FANCM: variants seen among roughly 807,000 people sequenced by gnomAD.
The protein encoded by FANCM is FA complementation group M, also known as Fanconi anemia group M protein.
FANCM carries 140 observed loss-of-function variants against 199.5 expected under a neutral mutation model. The ratio of observed to expected loss-of-function variants is 0.70; its 90% CI spans 0.61 to 0.81. The LOEUF is 0.81. Among genes scored for constraint, FANCM ranks in the 30% least tolerant of loss-of-function variants. The pLI is 0.00. For synonymous variants in FANCM, 840 were observed against 836.8 expected (o/e 1.00, Z -0.07); for missense variants, 2,410 against 2,421.4 (o/e 1.00, Z 0.10).
intron 9 of FANCM, among the ~76,000 whole-genome samples, chr14:45,163,425 T>C (rs1887744572): frequency 6.6e-6 from 1 of 152,210 alleles, no homozygotes; most frequent in African/African-American, 2.4e-5. Flanking sequence ...ACCACTCCAC[T>C]GTACACAAAC....
chr14:45,140,043 C>A (rs1209965475), intron 2 of FANCM, among the ~76,000 whole-genome samples: 2 of 152,096 alleles, frequency 1.3e-5, no homozygotes, highest in Non-Finnish European at 2.9e-5. Flanking sequence ...AAAAAAAAAT[C>A]TTTCCCAAAA....
rs1338838247 is a variant in FANCM at position 45,170,553 on chromosome 14, A to T, written c.2003-36A>T. On this transcript the variant is annotated intron_variant, in intron 11 of 22. Coordinates refer to ENST00000267430, the MANE Select transcript of FANCM (RefSeq NM_020937.4). ...GGGTTTTTTTGCTTTGCAGATTTTTAAAAAGTCTCTTTTCCATTATTTTTT... is the reference window on the plus strand; with the variant it reads ...GGGTTTTTTTGCTTTGCAGATTTTTTAAAAGTCTCTTTTCCATTATTTTTT... The T allele has an allele frequency of 2.0e-6, 3 of 1,518,302 alleles. No homozygotes were observed. In the African/African-American group the frequency reaches 4.1e-5, roughly 21 times the overall value. 94.1% of individuals were successfully genotyped at this position (1,518,302 alleles called of 1,614,324 possible). A position where few individuals can be genotyped will look rare whatever the true frequency, so the allele number is the denominator to read the frequency against.
intron 3 of FANCM, among the ~76,000 whole-genome samples, chr14:45,141,265 G>A (rs934988611): frequency 9.8e-5 from 14 of 143,556 alleles, no homozygotes; most frequent in Non-Finnish European, 1.6e-4. Flanking sequence ...TCCAGCCTGG[G>A]CGACAGAGCG....
chr14:45,174,152 C>T (rs542839610), intron 13 of FANCM, among the ~76,000 whole-genome samples: 23 of 150,230 alleles, frequency 1.5e-4, no homozygotes, highest in Admixed American at 2.7e-4. Context: ...TTTGGGAGGC[C>T]GAAGCAGGCA....
In FANCM at chr14:45,140,662, C is replaced by A; in HGVS notation, c.712C>A (p.His238Asn). Reference sequence around the variant, plus strand: ...AAGAGAACTAGTCAAATATACAAATCACTTTAGAATCTTGGCTCTAAGTGC... The same window carrying A: ...AAGAGAACTAGTCAAATATACAAATAACTTTAGAATCTTGGCTCTAAGTGC... ...VVRELVKYTN[H>N]FRILALSATP... Residue 238 changes from histidine (H) to asparagine (N), a missense_variant, in exon 3 of 23, where the codon CAC becomes AAC. By Grantham distance (68) the His-to-Asn change is moderately conservative. Transcript: ENST00000267430. 2 of 1,603,004 alleles carry A rather than the reference C, an allele frequency of 1.2e-6. No homozygotes were observed. Among genetic ancestry groups the A allele is most frequent in the Non-Finnish European group, 1.7e-6 (2 of 1,170,666 alleles).
At position 45,151,449 on chromosome 14, in the gene FANCM, G is replaced by C. The variant is rs2139160191; in HGVS notation, c.971G>C (p.Arg324Thr). 1 of 1,612,664 alleles carries C rather than the reference G, an allele frequency of 6.2e-7. No homozygotes were observed. Among genetic ancestry groups the C allele is most frequent in the Non-Finnish European group, 8.5e-7 (1 of 1,178,816 alleles). Residue 324 changes from arginine to threonine, a missense_variant, in exon 5 of 23, where the codon AGG becomes ACG. By Grantham distance (71) the Arg-to-Thr change is moderately conservative. Coordinates refer to ENST00000267430, the MANE Select transcript of FANCM (RefSeq NM_020937.4). ...ATTCAGAGGAATGTTTTGATGAGAA[G>C]GGATATCCCAAATCTAACAAAATAT... is the stretch of plus-strand genomic sequence containing the variant. The part of the protein sequence containing the change: ...SLIQRNVLMR[R>T]DIPNLTKYQI...
rs12434361 is a variant in FANCM, at chr14:45,155,286, A to G, written c.1310-87A>G. 15,714 of 635,068 alleles carry G rather than the reference A, an allele frequency of 0.025. 437 individuals carry two copies. The highest frequency in any genetic ancestry group is 0.11 in the Admixed American group (3,901 of 35,572). 39.3% of individuals were successfully genotyped at this position (635,068 alleles called of 1,614,324 possible). A position where few individuals can be genotyped will look rare whatever the true frequency, so the allele number is the denominator to read the frequency against. ...AATTAAAAAAAAATCCAACATATGCATTGGAAAAGATAACTTTCATATACA... is the reference window on the plus strand; with the variant it reads ...AATTAAAAAAAAATCCAACATATGCGTTGGAAAAGATAACTTTCATATACA... On this transcript the variant is annotated intron_variant, in intron 7 of 22. Transcript: ENST00000267430.
chr14:45,181,791 G>A, intron 16 of FANCM, 86 bp downstream of exon 16: 1 of 801,340 alleles, frequency 1.2e-6, no homozygotes, highest in Non-Finnish European at 2.1e-6. Flanking sequence ...ATAAATATAG[G>A]TATTTTTAAT....
At position 45,175,104 on chromosome 14, in the gene FANCM, T is replaced by G; in HGVS notation, c.2350T>G (p.Tyr784Asp). 1 of 1,611,940 alleles carries G rather than the reference T, an allele frequency of 6.2e-7. No individual in the cohort carries two copies. The highest frequency in any genetic ancestry group is 8.5e-7 in the Non-Finnish European group (1 of 1,178,692). ...ECSYELEVES[Y>D]LQMEDVTSTF... The stretch of plus-strand genomic sequence containing the variant: ...CAGCTATGAATTGGAAGTTGAATCT[T>G]ATTTACAAATGGAAGATGTTACCTC... Residue 784 changes from tyrosine (Y) to aspartate (D), a missense_variant, in exon 14 of 23, where the codon TAT becomes GAT. Tyr to Asp is a radical substitution (Grantham distance 160). Transcript: ENST00000267430.
At chr14:45,181,086 C>T (rs1356621439) in intron 14 of FANCM, among the ~76,000 whole-genome samples, 1 of 152,154 alleles carries the variant, frequency 6.6e-6, no homozygotes, top group African/African-American at 2.4e-5. Context: ...AGAAAGACTG[C>T]AGTAGATTTT....
Position 45,173,086 on chromosome 14 carries a change from T to C in FANCM, c.2192T>C (p.Leu731Pro). 1.3e-6 allele frequency: 2 copies of C among 1,590,764 alleles called. No individual in the cohort carries two copies. Among genetic ancestry groups the C allele is most frequent in the Non-Finnish European group, 1.7e-6 (2 of 1,159,066 alleles). ...AQESTTGIHQLSLSEWRLWQD... is the reference protein window; with the variant it reads ...AQESTTGIHQPSLSEWRLWQD... ...GAATCAACCACTGGAATTCATCAAC[T>C]CTCTCTCTCTGAATGGAGACTGTGG... Residue 731 changes from leucine to proline, a missense_variant, in exon 13 of 23, where the codon CTC becomes CCC. Leu to Pro is a moderately conservative substitution (Grantham distance 98, BLOSUM62 -3). Transcript: ENST00000267430.
At chr14:45,145,117 G>C (rs767926084) in intron 3 of FANCM, among the ~76,000 whole-genome samples, 1 of 151,876 alleles carries the variant, frequency 6.6e-6, no homozygotes, top group Non-Finnish European at 1.5e-5. Flanking sequence ...GGTACGTCTA[G>C]AAAAGTTGTC....
chr14:45,187,112 T>C (rs1889448349), intron 18 of FANCM, among the ~76,000 whole-genome samples: 1 of 152,154 alleles, frequency 6.6e-6, no homozygotes, highest in African/African-American at 2.4e-5. Context: ...TGTTATGTTA[T>C]TGGGAAGGCT....
intron 4 of FANCM, among the ~76,000 whole-genome samples, chr14:45,151,055 T>A (rs375165246): frequency 3.5e-4 from 53 of 152,348 alleles, no homozygotes; most frequent in African/African-American, 1.3e-3. Flanking sequence ...ATACTGAGGA[T>A]GTAACAGTGC....
At position 45,154,781 on chromosome 14, in the gene FANCM, C is replaced by T; in HGVS notation, c.1268C>T (p.Thr423Ile). ...CATCTAGAGTGTATGTTTGCACGTA[C>T]ACGTAGTACTTCAGCAAATGGTATT... ...YNHLECMFAR[T>I]RSTSANGISA... Residue 423 changes from threonine to isoleucine, a missense_variant, in exon 7 of 23, where the codon ACA becomes ATA. By Grantham distance (89) the Thr-to-Ile change is moderately conservative. Coordinates refer to ENST00000267430, the MANE Select transcript of FANCM (RefSeq NM_020937.4). 3 of 1,606,884 alleles carry T rather than the reference C, an allele frequency of 1.9e-6. No homozygotes were observed. Among genetic ancestry groups the T allele is most frequent in the Non-Finnish European group, 1.7e-6 (2 of 1,174,864 alleles).
At chr14:45,141,245 G>GCA (rs1885906772) in intron 3 of FANCM, among the ~76,000 whole-genome samples, 2 of 136,956 alleles carry the variant, frequency 1.5e-5, no homozygotes, top group Non-Finnish European at 3.0e-5. Context: ...CCAAGATCTA[G>GCA]CCACTGCACT....
rs1483401523 is a variant in FANCM, at chr14:45,187,861, CAT to C, written c.4755_4756del (p.His1585GlnfsTer11). 5.9e-6 allele frequency: 9 copies of C among 1,518,520 alleles called. No homozygotes were observed. The highest frequency in any genetic ancestry group is 8.2e-6 in the Non-Finnish European group (9 of 1,093,306). The allele number at this position is 1,518,520 out of a possible 1,614,324, so 94.1% of individuals were successfully genotyped here. On this transcript the variant is annotated frameshift_variant, in exon 19 of 23. Transcript: ENST00000267430. LOFTEE classifies it high-confidence loss of function. ...NNKYKMIHKT[H>X]KNINIFSQIP... ...TAAGTACAAAATGATTCATAAGACA[CAT>C]AAAAACATAAACATTTTCTCGCAGG...
At chr14:45,166,801 A>G in intron 10 of FANCM, 149 bp from the exon 11 acceptor site, 2 of 609,584 alleles carry the variant, frequency 3.3e-6, no homozygotes, top group South Asian at 4.1e-5. Context: ...AAAAAATTCA[A>G]GACAACAGAA....
At position 45,176,828 on chromosome 14, in the gene FANCM, T is replaced by G. The variant is rs767877804; in HGVS notation, c.4074T>G (p.Leu1358=). Residue 1358 remains leucine, a synonymous_variant, in exon 14 of 23, where the codon CTT becomes CTG. Transcript: ENST00000267430. The part of the protein sequence containing the change: ...NSFSKIRKEI[L]KTPDSSKEKV... ...TTTCTAAGATAAGAAAGGAAATACT[T>G]AAGACACCAGATTCTAGTAAGGAAA... 6.2e-7 allele frequency: 1 copy of G among 1,608,060 alleles called. No individual in the cohort carries two copies. Among genetic ancestry groups the G allele is most frequent in the Non-Finnish European group, 8.5e-7 (1 of 1,176,698 alleles).
Sources: gnomAD v4.1 joint callset for allele counts (sites outside exome capture counted in the v4.1 genomes callset) on GRCh38, gnomAD v4.1.1 for gene constraint, MANE v1.5 for transcripts, NCBI Gene and HGNC (gene_info 2026-07-23, HGNC 2026-07-21) for gene names.